The following THSD7B variants were observed in gnomAD, a reference collection of about 807,000 sequenced individuals.
The protein encoded by THSD7B is thrombospondin type 1 domain containing 7B.
Under a neutral mutation model 213.6 loss-of-function variants are expected in THSD7B, and 138 were observed. The ratio of observed to expected loss-of-function variants is 0.65; its 90% CI spans 0.56 to 0.74. The LOEUF (loss-of-function observed/expected upper bound fraction) is 0.74, where lower values mean the gene tolerates loss of function less well. THSD7B is among the 30% of genes least tolerant of loss of function. The pLI is 0.00. For missense variants in THSD7B, 1,931 were observed against 1,991.5 expected, an observed-to-expected ratio of 0.97 and a Z score of 0.58; for synonymous variants, 742 against 687.0, an observed-to-expected ratio of 1.08 and a Z score of -1.25.
At chr2:137,367,975 A>T (rs1685459449) in intron 12 of THSD7B, among the ~76,000 whole-genome samples, 1 of 152,110 alleles carries the variant, frequency 6.6e-6, no homozygotes, top group Non-Finnish European at 1.5e-5. Flanking sequence ...GGAGACACAG[A>T]TATTCAGTCT....
At chr2:137,336,878 T>C (rs1684650174) in intron 12 of THSD7B, among the ~76,000 whole-genome samples, 1 of 152,136 alleles carries the variant, frequency 6.6e-6, no homozygotes, top group Non-Finnish European at 1.5e-5. Context: ...TTTGAAGTCA[T>C]GCTTAATCCA....
intron 12 of THSD7B, among the ~76,000 whole-genome samples, chr2:137,305,031 T>A (rs1420030780): frequency 6.6e-6 from 1 of 152,102 alleles, no homozygotes; most frequent in African/African-American, 2.4e-5. Flanking sequence ...TTAGTTCTAC[T>A]TTTTCTGTCT....
rs184258886 is a variant in THSD7B at position 137,406,880 on chromosome 2, A to C, written c.2695+1073A>C. On this transcript the variant is annotated intron_variant, in intron 13 of 27. Coordinates refer to ENST00000409968, the MANE Select transcript of THSD7B (RefSeq NM_001316349.2). ...CATTGCTTGTTTCTAAGATACAACA[A>C]ATTTCTCATAGAAAAACAACACAGT... 2.0e-5 allele frequency among the ~76,000 whole-genome samples: 3 copies of C among 152,336 alleles called. No homozygotes were observed. In the East Asian group the frequency reaches 5.8e-4, roughly 29 times the overall value.
At chr2:137,669,135 T>C (rs1247580900) in intron 27 of THSD7B, among the ~76,000 whole-genome samples, 2 of 152,200 alleles carry the variant, frequency 1.3e-5, no homozygotes, top group Non-Finnish European at 2.9e-5. Flanking sequence ...CTAATAAATA[T>C]ATTTATATTC....
chr2:137,144,722 G>T (rs1285944491), intron 5 of THSD7B, among the ~76,000 whole-genome samples: 1 of 151,848 alleles, frequency 6.6e-6, no homozygotes, highest in Non-Finnish European at 1.5e-5. Flanking sequence ...ACCTAATTGG[G>T]AAGGAGAAAA....
chr2:137,414,541 A>T (rs1686749655), intron 14 of THSD7B, among the ~76,000 whole-genome samples: 1 of 151,708 alleles, frequency 6.6e-6, no homozygotes, highest in Admixed American at 6.6e-5. Flanking sequence ...CAACATAGGG[A>T]GGACTTGCCT....
At position 137,618,376 on chromosome 2, in the gene THSD7B, G is replaced by A. The variant is rs971499911; in HGVS notation, c.3566-16G>A. On this transcript the variant is annotated splice_polypyrimidine_tract_variant and intron_variant, in intron 18 of 27. Transcript: ENST00000409968. The stretch of plus-strand genomic sequence containing the variant: ...CATAATTTTGAAACTCAGTGTGGGT[G>A]ATCCTATGCCTGTAGAGTGGAGCAC... 3.7e-6 allele frequency: 6 copies of A among 1,611,098 alleles called. No individual in the cohort carries two copies. Among genetic ancestry groups the A allele is most frequent in the Admixed American group, 1.7e-5 (1 of 59,706 alleles).
intron 15 of THSD7B, among the ~76,000 whole-genome samples, chr2:137,458,617 A>G (rs1333670877): frequency 6.6e-6 from 1 of 152,134 alleles, no homozygotes; most frequent in East Asian, 1.9e-4. Context: ...GAATTTCATA[A>G]TTCTGCAGTA....
intron 1 of THSD7B, among the ~76,000 whole-genome samples, chr2:136,877,659 C>T (rs560182646): frequency 2.0e-5 from 3 of 152,082 alleles, no homozygotes; most frequent in Non-Finnish European, 4.4e-5. Context: ...ACTTTGCTAC[C>T]GTACCCTTGG....
At chr2:137,482,759 A>T (rs1688335972) in intron 15 of THSD7B, among the ~76,000 whole-genome samples, 3 of 151,570 alleles carry the variant, frequency 2.0e-5, no homozygotes, top group Admixed American at 6.6e-5. Context: ...GTGTGTACTC[A>T]TCAGAACCAC....
chr2:137,273,800 A>T (rs1032802391), intron 11 of THSD7B, among the ~76,000 whole-genome samples: 2 of 152,098 alleles, frequency 1.3e-5, no homozygotes, highest in Non-Finnish European at 2.9e-5. Context: ...GCCATTGTGG[A>T]AACACTGTCA....
chr2:137,620,765 T>A, intron 20 of THSD7B, 39 bp downstream of exon 20: 2 of 1,507,306 alleles, frequency 1.3e-6, no homozygotes, highest in Non-Finnish European at 1.8e-6. Context: ...CTAGTGTAGG[T>A]TTCTAAATAT....
intron 21 of THSD7B, among the ~76,000 whole-genome samples, chr2:137,646,078 A>G (rs77204154): frequency 0.031 from 4,708 of 152,290 alleles, 75 homozygotes; most frequent in Middle Eastern, 0.068. Flanking sequence ...TATTAGAGCA[A>G]TTATGAAATA....
At chr2:137,593,720 T>G (rs1401544684) in intron 17 of THSD7B, among the ~76,000 whole-genome samples, 1 of 152,056 alleles carries the variant, frequency 6.6e-6, no homozygotes, top group Non-Finnish European at 1.5e-5. Flanking sequence ...AATTTTATAT[T>G]GCGTTTTACC....
At chr2:137,129,108 C>A (rs1164022097) in intron 5 of THSD7B, among the ~76,000 whole-genome samples, 2 of 151,994 alleles carry the variant, frequency 1.3e-5, no homozygotes, top group African/African-American at 4.8e-5. Flanking sequence ...GTCAAAGAAC[C>A]TTGAAAATCT....
chr2:136,800,976 A>G (rs763523317), intron 1 of THSD7B, among the ~76,000 whole-genome samples: 4 of 151,974 alleles, frequency 2.6e-5, no homozygotes, highest in Non-Finnish European at 5.9e-5. Flanking sequence ...GAGTCACCTT[A>G]TTCATGAAGA....
chr2:136,912,321 C>CAA (rs1159184476), intron 2 of THSD7B, among the ~76,000 whole-genome samples: 18,568 of 55,006 alleles, frequency 0.34, 4,469 homozygotes, highest in East Asian at 0.74. Flanking sequence ...GACTCCATCT[C>CAA]AAAAAAAAAA....
intron 20 of THSD7B, among the ~76,000 whole-genome samples, chr2:137,639,237 G>A (rs1682892375): frequency 6.6e-6 from 1 of 152,146 alleles, no homozygotes; most frequent in African/African-American, 2.4e-5. Context: ...GTGGCTGAAA[G>A]GGGCCAACAT....
intron 5 of THSD7B, among the ~76,000 whole-genome samples, chr2:137,158,015 T>C (rs943531187): frequency 6.6e-6 from 1 of 152,244 alleles, no homozygotes; most frequent in Non-Finnish European, 1.5e-5. Context: ...TGCAGCTTTC[T>C]ATTTATACAA....
Sources: gnomAD v4.1 joint callset for allele counts (sites outside exome capture counted in the v4.1 genomes callset) on GRCh38, gnomAD v4.1.1 for gene constraint, MANE v1.5 for transcripts, NCBI Gene and HGNC (gene_info 2026-07-23, HGNC 2026-07-21) for gene names.